Variants in TNRC6B observed in about 807,000 individuals in gnomAD.
The protein encoded by TNRC6B is trinucleotide repeat-containing gene 6B protein.
TNRC6B carries 52 observed loss-of-function variants against 203.6 expected under a neutral mutation model. The observed-to-expected ratio is 0.26, with a 90% CI of 0.20 to 0.32. The LOEUF is 0.32. Ranked by LOEUF, TNRC6B falls within the 10% of genes least tolerant of loss-of-function variation. The pLI is 1.00. For synonymous variants in TNRC6B, 838 were observed against 845.7 expected (o/e 0.99, Z 0.16); for missense variants, 1,923 against 2,286.2 (o/e 0.84, Z 3.24).
intron 11 of TNRC6B, among the ~76,000 whole-genome samples, chr22:40,281,805 A>G (rs186279294): frequency 6.6e-6 from 1 of 152,302 alleles, no homozygotes; most frequent in Non-Finnish European, 1.5e-5. Flanking sequence ...TAAACGGTGA[A>G]GCTTTGGGAA....
intron 1 of TNRC6B, among the ~76,000 whole-genome samples, chr22:40,222,606 T>TA (rs2069724758): frequency 6.6e-6 from 1 of 152,150 alleles, no homozygotes; most frequent in South Asian, 2.1e-4. Flanking sequence ...TCTTTTTACT[T>TA]AAAGTTTTTA....
At chr22:40,068,128 A>G (rs2067912383) in intron 1 of TNRC6B, among the ~76,000 whole-genome samples, 1 of 152,126 alleles carries the variant, frequency 6.6e-6, no homozygotes, top group Non-Finnish European at 1.5e-5. Context: ...TCCCACCCCC[A>G]ATTCAGAAAG....
chr22:40,318,352 C>G (rs139055942), intron 21 of TNRC6B, among the ~76,000 whole-genome samples: 6,145 of 152,074 alleles, frequency 0.04, 180 homozygotes, highest in Non-Finnish European at 0.059. Flanking sequence ...TCGAGACCAT[C>G]CTGGCTAACA....
intron 1 of TNRC6B, among the ~76,000 whole-genome samples, chr22:40,224,131 C>T (rs915199708): frequency 1.3e-5 from 2 of 152,030 alleles, no homozygotes; most frequent in African/African-American, 4.8e-5. Flanking sequence ...CTCAGCCTCT[C>T]GTAGCTGGGA....
chr22:40,046,238 A>G (rs2067686336), intron 1 of TNRC6B, among the ~76,000 whole-genome samples: 2 of 152,246 alleles, frequency 1.3e-5, no homozygotes, highest in African/African-American at 4.8e-5. Flanking sequence ...CTTGGCTTCG[A>G]AAGTACAGAT....
chr22:40,289,778 C>G (rs990137321), intron 12 of TNRC6B, among the ~76,000 whole-genome samples: 4 of 152,194 alleles, frequency 2.6e-5, no homozygotes, highest in Admixed American at 2.6e-4. Flanking sequence ...CAGCCCACAT[C>G]ATTTTTCCTC....
At chr22:40,253,232 C>T (rs1410533585) in intron 3 of TNRC6B, among the ~76,000 whole-genome samples, 1 of 151,312 alleles carries the variant, frequency 6.6e-6, no homozygotes, top group Non-Finnish European at 1.5e-5. Context: ...CAGGCACCCG[C>T]CACCATGCCC....
intron 1 of TNRC6B, among the ~76,000 whole-genome samples, chr22:40,112,530 A>T (rs1465244920): frequency 6.6e-6 from 1 of 152,206 alleles, no homozygotes; most frequent in East Asian, 1.9e-4. Context: ...CTAAAACAGG[A>T]TGCCCCTGGC....
intron 4 of TNRC6B, among the ~76,000 whole-genome samples, chr22:40,159,851 A>T (rs899173274): frequency 2.0e-5 from 3 of 151,814 alleles, no homozygotes; most frequent in African/African-American, 7.3e-5. Context: ...TCACTCTGTC[A>T]CCTAGGCTAG....
intron 3 of TNRC6B, among the ~76,000 whole-genome samples, chr22:40,133,302 G>T (rs1382484903): frequency 6.6e-6 from 1 of 151,796 alleles, no homozygotes; most frequent in Non-Finnish European, 1.5e-5. Context: ...TTTTTATTGA[G>T]ATATTATCAA....
At chr22:40,157,562 C>G (rs901258789) in intron 4 of TNRC6B, among the ~76,000 whole-genome samples, 2 of 152,144 alleles carry the variant, frequency 1.3e-5, no homozygotes, top group East Asian at 3.8e-4. Flanking sequence ...TTAAAAATAG[C>G]TCACAATATA....
chr22:40,206,090 A>G (rs2069473912), intron 1 of TNRC6B, among the ~76,000 whole-genome samples: 2 of 152,198 alleles, frequency 1.3e-5, no homozygotes, highest in African/African-American at 4.8e-5. Flanking sequence ...TGAGGTTTAC[A>G]CATTTAGGGA....
At chr22:40,148,846 T>C (rs919251557) in intron 3 of TNRC6B, among the ~76,000 whole-genome samples, 1 of 152,178 alleles carries the variant, frequency 6.6e-6, no homozygotes, top group African/African-American at 2.4e-5. Context: ...CATGTGAAAC[T>C]GAAGACAGCC....
chr22:40,315,943 C>T lies in TNRC6B; in HGVS notation c.4905C>T (p.Ala1635=). Reference sequence around the variant, plus strand: ...AACCATTTTTCTGGTTGCTCATAGCCTCTACCTGGAGTGATGGTGGCTCAG... The same window carrying T: ...AACCATTTTTCTGGTTGCTCATAGCTTCTACCTGGAGTGATGGTGGCTCAG... The part of the protein sequence containing the change: ...WGTQDSRLAS[A]STWSDGGSVR... The change falls in exon 21 of 23, where the codon GCC becomes GCT. Residue 1635 remains alanine (A), a splice_region_variant and synonymous_variant. Transcript: ENST00000454349. 1 of 1,613,564 alleles carries T rather than the reference C, an allele frequency of 6.2e-7. No individual in the cohort carries two copies. The highest frequency in any genetic ancestry group is 8.5e-7 in the Non-Finnish European group (1 of 1,179,594).
At chr22:40,077,698 A>C (rs547028311) in intron 1 of TNRC6B, among the ~76,000 whole-genome samples, 1 of 152,302 alleles carries the variant, frequency 6.6e-6, no homozygotes, top group East Asian at 1.9e-4. Context: ...GAACATACAC[A>C]TAGCCCATGA....
At chr22:40,155,260 C>G (rs1785021870) in intron 3 of TNRC6B, among the ~76,000 whole-genome samples, 1 of 152,048 alleles carries the variant, frequency 6.6e-6, no homozygotes, top group Non-Finnish European at 1.5e-5. Context: ...AATGCATCTT[C>G]AAATGTAATA....
At position 40,323,342 on chromosome 22, in the gene TNRC6B, T is replaced by C. The variant is rs745924667; in HGVS notation, c.*101T>C. Reference sequence around the variant, plus strand: ...TTTTCAACTTGCAATAAATACATTTTTAAAAGGAAAAAAGAAAACGGAGAG... The same window carrying C: ...TTTTCAACTTGCAATAAATACATTTCTAAAAGGAAAAAAGAAAACGGAGAG... On this transcript the variant is annotated 3_prime_UTR_variant, in exon 23 of 23. Transcript: ENST00000454349. The C allele has an allele frequency of 3.1e-4, 434 of 1,414,596 alleles. 1 individual carries two copies. Among genetic ancestry groups the C allele is most frequent in the Non-Finnish European group, 3.3e-4 (346 of 1,062,926 alleles). The allele number at this position is 1,414,596 out of a possible 1,614,324, so 87.6% of individuals were successfully genotyped here. A position where few individuals can be genotyped will look rare whatever the true frequency, so the allele number is the denominator to read the frequency against.
chr22:40,233,386 G>A (rs2069905290), intron 1 of TNRC6B, among the ~76,000 whole-genome samples: 1 of 151,698 alleles, frequency 6.6e-6, no homozygotes, highest in African/African-American at 2.4e-5. Flanking sequence ...CACTTTGGGA[G>A]GCCGAGGAGG....
At chr22:40,162,389 C>T (rs1461149803) in intron 4 of TNRC6B, among the ~76,000 whole-genome samples, 2 of 152,074 alleles carry the variant, frequency 1.3e-5, no homozygotes, top group Non-Finnish European at 2.9e-5. Context: ...CCACCGCACC[C>T]GGTTTTATTA....
Sources: allele counts gnomAD v4.1 joint callset (sites outside exome capture counted in the v4.1 genomes callset), GRCh38; gene constraint gnomAD v4.1.1; transcripts MANE v1.5; gene names NCBI Gene and HGNC (gene_info 2026-07-23, HGNC 2026-07-21).